SMURF2: variants seen among roughly 807,000 people sequenced by gnomAD.
The protein encoded by SMURF2 is SMAD specific E3 ubiquitin protein ligase 2.
In SMURF2, 48 loss-of-function variants were observed where a neutral mutation model predicts 109.6. That is an observed-to-expected ratio of 0.44 (90% confidence interval 0.35 to 0.56). SMURF2 has a LOEUF of 0.56. Ranked by LOEUF, SMURF2 falls within the 20% of genes least tolerant of loss-of-function variation. SMURF2 has a pLI of 0.01. For synonymous variants in SMURF2, 288 were observed against 317.1 expected, an observed-to-expected ratio of 0.91 and a Z score of 0.97; for missense variants, 575 against 909.0, an observed-to-expected ratio of 0.63 and a Z score of 4.72.
intron 9 of SMURF2, among the ~76,000 whole-genome samples, chr17:64,578,239 C>T (rs1969526263): frequency 6.6e-6 from 1 of 152,060 alleles, no homozygotes; most frequent in Non-Finnish European, 1.5e-5. Flanking sequence ...CTACCATGCC[C>T]TGCCTATTCC....
chr17:64,601,401 CAAAA>C, intron 2 of SMURF2, among the ~76,000 whole-genome samples: 1 of 152,026 alleles, frequency 6.6e-6, no homozygotes. Flanking sequence ...AGACAATTCT[CAAAA>C]AAAGATATAT....
intron 1 of SMURF2, among the ~76,000 whole-genome samples, chr17:64,634,320 G>A (rs1435422640): frequency 6.6e-6 from 1 of 152,158 alleles, no homozygotes; most frequent in Non-Finnish European, 1.5e-5. Context: ...GGGTCTATAG[G>A]CAGTCTGGCT....
chr17:64,586,713 T>C lies in SMURF2; in HGVS notation c.401-543A>G, dbSNP rs1256058649. On this transcript the variant is annotated intron_variant, in intron 5 of 18. Transcript: ENST00000262435. Reference sequence around the variant, plus strand: ...TTGCAGTGAGCTGAGATCGCGCCACTGCACTCCAGCCTGGGCGATACAGCG... The same window carrying C: ...TTGCAGTGAGCTGAGATCGCGCCACCGCACTCCAGCCTGGGCGATACAGCG... Among the ~76,000 whole-genome samples the C allele has an allele frequency of 4.8e-5, 6 of 124,234 alleles. 1 individual carries two copies. The South Asian group carries it at 1.2e-3, about 26-fold the overall frequency. 81.5% of individuals were successfully genotyped at this position (124,234 alleles called of 152,430 possible).
chr17:64,648,146 T>C (rs772323342), intron 1 of SMURF2, among the ~76,000 whole-genome samples: 18 of 127,458 alleles, frequency 1.4e-4, no homozygotes, highest in South Asian at 8.1e-4. Context: ...CTTAAAACCA[T>C]AGAACTCTAA....
intron 1 of SMURF2, among the ~76,000 whole-genome samples, chr17:64,624,504 A>C (rs1423565223): frequency 1.7e-5 from 2 of 116,726 alleles, no homozygotes; most frequent in African/African-American, 7.4e-5. Flanking sequence ...AGGCCTCTAC[A>C]AAAAAAAAAA....
chr17:64,661,981 G>C lies in SMURF2; in HGVS notation c.-101C>G, dbSNP rs1970787181. On this transcript the variant is annotated 5_prime_UTR_variant, in exon 1 of 19. Coordinates refer to ENST00000262435, the MANE Select transcript of SMURF2 (RefSeq NM_022739.4). ...GGCCGGGGCTGGGGCCCGAGCAGCC[G>C]GCGCCTCGGCCGCCACGGCCGGAGG... The C allele has an allele frequency of 9.0e-7, 1 of 1,111,300 alleles. No homozygotes were observed. Among genetic ancestry groups the C allele is most frequent in the Non-Finnish European group, 1.1e-6 (1 of 911,498 alleles). The allele number at this position is 1,111,300 out of a possible 1,614,324, so 68.8% of individuals were successfully genotyped here. A position where few individuals can be genotyped will look rare whatever the true frequency, so the allele number is the denominator to read the frequency against.
intron 2 of SMURF2, among the ~76,000 whole-genome samples, chr17:64,599,359 T>C (rs538213302): frequency 1.3e-5 from 2 of 152,274 alleles, no homozygotes; most frequent in African/African-American, 4.8e-5. Flanking sequence ...TTACCTCTTA[T>C]TTACTACGTG....
intron 1 of SMURF2, among the ~76,000 whole-genome samples, chr17:64,634,429 T>TA (rs1307938447): frequency 6.6e-6 from 1 of 152,188 alleles, no homozygotes; most frequent in Admixed American, 6.6e-5. Context: ...CCACTGACTT[T>TA]AAACCATTTC....
intron 2 of SMURF2, among the ~76,000 whole-genome samples, chr17:64,605,177 G>A (rs1160668497): frequency 6.6e-6 from 1 of 152,058 alleles, no homozygotes; most frequent in Non-Finnish European, 1.5e-5. Context: ...GGGAAGTTCT[G>A]TGGCCATTGG....
intron 1 of SMURF2, among the ~76,000 whole-genome samples, chr17:64,614,847 G>C (rs2144687346): frequency 6.6e-6 from 1 of 152,274 alleles, no homozygotes; most frequent in East Asian, 1.9e-4. Context: ...TCACAGGTCA[G>C]GTATAATTCA....
chr17:64,554,609 T>C (rs1020345878), intron 15 of SMURF2, among the ~76,000 whole-genome samples: 2 of 152,212 alleles, frequency 1.3e-5, no homozygotes, highest in Admixed American at 1.3e-4. Flanking sequence ...AGAGGCCATC[T>C]TGGTGTTGCA....
At position 64,570,958 on chromosome 17, in the gene SMURF2, A is replaced by T. The variant is rs535047594; in HGVS notation, c.1016+840T>A. 1.8e-4 allele frequency among the ~76,000 whole-genome samples: 27 copies of T among 152,094 alleles called. No homozygotes were observed. In the South Asian group the frequency reaches 1.9e-3, roughly 11 times the overall value. The stretch of plus-strand genomic sequence containing the variant: ...ACCATGACCAGCTAATTTTAAAAAA[A>T]TTTTTTGAAGAGAATAGGACTCACA... On this transcript the variant is annotated intron_variant, in intron 10 of 18. Coordinates refer to ENST00000262435, the MANE Select transcript of SMURF2 (RefSeq NM_022739.4).
At position 64,661,891 on chromosome 17, in the gene SMURF2, G is replaced by GCGGGGGCGGCGGGGGCGGCGGGCGGCA; in HGVS notation, c.-38_-12dup. On this transcript the variant is annotated 5_prime_UTR_variant, in exon 1 of 19. Transcript: ENST00000262435. ...TCCGGGGTTAGACATGTCCCCGGCG[G>GCGGGGGCGGCGGGGGCGGCGGGCGGCA]CGGGGGCGGCGGGGGCGGCGGGCGG... 8.9e-7 allele frequency: 1 copy of GCGGGGGCGGCGGGGGCGGCGGGCGGCA among 1,123,942 alleles called. No individual in the cohort carries two copies. Among genetic ancestry groups the GCGGGGGCGGCGGGGGCGGCGGGCGGCA allele is most frequent in the Non-Finnish European group, 1.1e-6 (1 of 929,596 alleles). 69.6% of individuals were successfully genotyped at this position (1,123,942 alleles called of 1,614,324 possible).
At chr17:64,546,412 T>G (rs1428114659) in intron 17 of SMURF2, 74 bp from the exon 18 acceptor site, 2 of 1,332,528 alleles carry the variant, frequency 1.5e-6, no homozygotes, top group Non-Finnish European at 2.1e-6. Context: ...AGAATAAAAC[T>G]GGTAAGTTAA....
At chr17:64,550,992 A>G (rs1478911789) in intron 16 of SMURF2, among the ~76,000 whole-genome samples, 9 of 152,164 alleles carry the variant, frequency 5.9e-5, no homozygotes, top group African/African-American at 9.7e-5. Context: ...GAATGTACAT[A>G]TAAGTCACGA....
chr17:64,606,638 G>A lies in SMURF2; in HGVS notation c.55C>T (p.Leu19Phe). ...TTTTTCACCAGGTTTTTTGCACAGAGTACTGTAAAAAAAAAAAACAAAAAA... is the reference window on the plus strand; with the variant it reads ...TTTTTCACCAGGTTTTTTGCACAGAATACTGTAAAAAAAAAAAACAAAAAA... ...NGPVKLRLTV[L>F]CAKNLVKKDF... The change falls in exon 2 of 19, where the codon CTC becomes TTC. Residue 19 changes from leucine to phenylalanine, a missense_variant and splice_region_variant. Leu to Phe is a conservative substitution (Grantham distance 22). Transcript: ENST00000262435. 1 of 1,508,620 alleles carries A rather than the reference G, an allele frequency of 6.6e-7. No individual in the cohort carries two copies. The highest frequency in any genetic ancestry group is 2.2e-5 in the Admixed American group (1 of 44,804). The allele number at this position is 1,508,620 out of a possible 1,614,324, so 93.5% of individuals were successfully genotyped here.
intron 9 of SMURF2, chr17:64,572,881 C>T (rs537357363): frequency 6.6e-6 from 1 of 152,056 alleles, no homozygotes; most frequent in African/African-American, 2.4e-5. Context: ...AGTGAAGCTT[C>T]CAAAGTGTGG....
intron 1 of SMURF2, among the ~76,000 whole-genome samples, chr17:64,647,243 G>C (rs782278831): frequency 4.0e-5 from 6 of 151,420 alleles, no homozygotes; most frequent in Non-Finnish European, 5.9e-5. Context: ...AATACAATTA[G>C]GGGTTAACTA....
rs553430864 is a variant in SMURF2 at position 64,575,587 on chromosome 17, A to G, written c.857+2905T>C. Among the ~76,000 whole-genome samples the G allele has an allele frequency of 9.2e-5, 14 of 152,234 alleles. No individual in the cohort carries two copies. The East Asian group carries it at 2.7e-3, about 29-fold the overall frequency. ...TCTGAGCTCTATAACACAAAGTAAG[A>G]CATTTTCATAATCACAGTTTTATTT... is the stretch of plus-strand genomic sequence containing the variant. On this transcript the variant is annotated intron_variant, in intron 9 of 18. Coordinates refer to ENST00000262435, the MANE Select transcript of SMURF2 (RefSeq NM_022739.4).
Sources: gnomAD v4.1 joint callset for allele counts (sites outside exome capture counted in the v4.1 genomes callset) on GRCh38, gnomAD v4.1.1 for gene constraint, MANE v1.5 for transcripts, NCBI Gene and HGNC (gene_info 2026-07-23, HGNC 2026-07-21) for gene names.